The following SLC5A8 variants were observed in gnomAD, a reference collection of about 807,000 sequenced individuals.
SLC5A8 encodes solute carrier family 5 member 8.
A neutral mutation model predicts 71.9 loss-of-function variants in SLC5A8; 55 were observed. The observed-to-expected ratio is 0.77, with a 90% CI of 0.62 to 0.96. The LOEUF (loss-of-function observed/expected upper bound fraction) is 0.96. Among genes scored for constraint, SLC5A8 ranks in the 40% least tolerant of loss-of-function variants. The pLI, the probability that SLC5A8 is intolerant of heterozygous loss-of-function variation, is 0.00. For synonymous variants in SLC5A8, 307 were observed against 276.1 expected, an observed-to-expected ratio of 1.11 and a Z score of -1.11; for missense variants, 701 against 745.3, an observed-to-expected ratio of 0.94 and a Z score of 0.69.
At chr12:101,177,874 T>C (rs1259490895) in intron 10 of SLC5A8, among the ~76,000 whole-genome samples, 2 of 152,114 alleles carry the variant, frequency 1.3e-5, no homozygotes, top group African/African-American at 4.8e-5. Context: ...GATATGGAAG[T>C]TGAAGCCAGT....
At chr12:101,159,725 G>A (rs148178598) in intron 13 of SLC5A8, among the ~76,000 whole-genome samples, 74 of 152,192 alleles carry the variant, frequency 4.9e-4, no homozygotes, top group Middle Eastern at 6.8e-3. Context: ...CAGAATCAAA[G>A]CATTTAAAAG....
chr12:101,159,251 G>A (rs2051703757), intron 13 of SLC5A8, among the ~76,000 whole-genome samples: 1 of 152,146 alleles, frequency 6.6e-6, no homozygotes, highest in South Asian at 2.1e-4. Context: ...GGGAACCTCT[G>A]CTGTTCTGGA....
intron 3 of SLC5A8, among the ~76,000 whole-genome samples, chr12:101,199,012 G>A (rs1366589235): frequency 6.6e-6 from 1 of 151,796 alleles, no homozygotes; most frequent in African/African-American, 2.4e-5. Context: ...AAAATCCTAA[G>A]GGATCACCAA....
chr12:101,171,082 G>A (rs1173782976), intron 10 of SLC5A8, among the ~76,000 whole-genome samples: 2 of 152,168 alleles, frequency 1.3e-5, no homozygotes, highest in Non-Finnish European at 2.9e-5. Context: ...AGACCAGGAG[G>A]GTTTTCATCT....
At chr12:101,168,544 T>C (rs981548955) in intron 10 of SLC5A8, among the ~76,000 whole-genome samples, 1 of 152,244 alleles carries the variant, frequency 6.6e-6, no homozygotes, top group Admixed American at 6.5e-5. Context: ...TGTGCTTTGA[T>C]AATCTCAAAA....
intron 5 of SLC5A8, 90 bp from the exon 6 acceptor site, chr12:101,190,698 C>T (rs2137155581): frequency 9.2e-7 from 1 of 1,089,464 alleles, no homozygotes; most frequent in Non-Finnish European, 1.3e-6. Context: ...AAGCAATGCA[C>T]ATTTATATAC....
intron 9 of SLC5A8, among the ~76,000 whole-genome samples, chr12:101,180,515 C>G (rs2051922502): frequency 6.6e-6 from 1 of 152,166 alleles, no homozygotes; most frequent in African/African-American, 2.4e-5. Flanking sequence ...GAGTAATAAA[C>G]AGAAATTAGA....
intron 12 of SLC5A8, among the ~76,000 whole-genome samples, chr12:101,163,863 A>G (rs774508047): frequency 6.6e-6 from 1 of 152,216 alleles, no homozygotes; most frequent in Non-Finnish European, 1.5e-5. Flanking sequence ...AGTGCATTCA[A>G]TGGGGCAAAA....
rs150304004 is a variant in SLC5A8 at position 101,184,972 on chromosome 12, C to A, written c.964-750G>T. 5.0e-3 allele frequency among the ~76,000 whole-genome samples: 763 copies of A among 152,312 alleles called. 8 individuals are homozygous for A. The highest frequency in any genetic ancestry group is 0.017 in the African/African-American group (705 of 41,560). ...CCGAATCAAAAGAGTCCTAAGTGGA[C>A]AATTTTCTCGAAGAGTGTCCTCTCA... On this transcript the variant is annotated intron_variant, in intron 7 of 14. Coordinates refer to ENST00000536262, the MANE Select transcript of SLC5A8 (RefSeq NM_145913.5).
At position 101,192,288 on chromosome 12, in the gene SLC5A8, T is replaced by C. The variant is rs182077246; in HGVS notation, c.692+1337A>G. ...AAATATTGAAAATAGTCAAAGTTGA[T>C]TCACTAAAATTTATCCCTGTAAATT... On this transcript the variant is annotated intron_variant, in intron 5 of 14. Coordinates refer to ENST00000536262, the MANE Select transcript of SLC5A8 (RefSeq NM_145913.5). Among the ~76,000 whole-genome samples the C allele has an allele frequency of 9.2e-4, 140 of 152,342 alleles. 2 individuals carry two copies. Among genetic ancestry groups the C allele is most frequent in the African/African-American group, 3.2e-3 (133 of 41,590 alleles).
At position 101,195,121 on chromosome 12, in the gene SLC5A8, C is replaced by A. The variant is rs1387092530; in HGVS notation, c.511G>T (p.Val171Leu). The change falls in exon 4 of 15, where the codon GTG becomes TTG. Residue 171 changes from valine (V) to leucine (L), a missense_variant. Coordinates refer to ENST00000536262, the MANE Select transcript of SLC5A8 (RefSeq NM_145913.5). ...AGTGTGCAGTAGAATGTGCAGACCA[C>A]CCCCGTTGCCACTACCGCGCCCCAC... ...DLWGAVVATG[V>L]VCTFYCTLGG... The A allele has an allele frequency of 6.2e-7, 1 of 1,614,060 alleles. No homozygotes were observed. Among genetic ancestry groups the A allele is most frequent in the Admixed American group, 1.7e-5 (1 of 60,010 alleles).
intron 10 of SLC5A8, 31 bp downstream of exon 10, chr12:101,179,998 A>G: frequency 2.5e-6 from 4 of 1,612,468 alleles, no homozygotes; most frequent in Non-Finnish European, 3.4e-6. Context: ...TTAGTGATTT[A>G]TGACTTAAAC....
chr12:101,160,615 A>C (rs755955250), intron 13 of SLC5A8, among the ~76,000 whole-genome samples: 1 of 152,090 alleles, frequency 6.6e-6, no homozygotes, highest in South Asian at 2.1e-4. Flanking sequence ...AGCATGTTTC[A>C]CCAACTCCGC....
chr12:101,185,555 C>G (rs571484923), intron 7 of SLC5A8, among the ~76,000 whole-genome samples: 15 of 152,214 alleles, frequency 9.9e-5, no homozygotes, highest in African/African-American at 3.1e-4. Context: ...TCCTTGCTCT[C>G]TTGAGGATAA....
At chr12:101,162,704 G>A (rs990036625) in intron 12 of SLC5A8, among the ~76,000 whole-genome samples, 6 of 152,166 alleles carry the variant, frequency 3.9e-5, no homozygotes, top group African/African-American at 1.4e-4. Flanking sequence ...GTTACTTATG[G>A]ACACAAAGAA....
At chr12:101,166,847 C>T (rs2051776745) in intron 11 of SLC5A8, 148 bp from the exon 12 acceptor site, 1 of 651,954 alleles carries the variant, frequency 1.5e-6, no homozygotes. Flanking sequence ...CAAGATAGTG[C>T]TCAGCCCATA....
chr12:101,189,997 A>G (rs1235025102), intron 6 of SLC5A8, among the ~76,000 whole-genome samples: 2 of 152,232 alleles, frequency 1.3e-5, no homozygotes, highest in Non-Finnish European at 2.9e-5. Context: ...TCACTCAAAT[A>G]GCAAATATTA....
At chr12:101,205,466 A>G (rs1417677300) in intron 1 of SLC5A8, among the ~76,000 whole-genome samples, 3 of 152,232 alleles carry the variant, frequency 2.0e-5, no homozygotes, top group Admixed American at 2.0e-4. Context: ...AGTTAGGATC[A>G]TAGAATTTCA....
chr12:101,194,632 T>C lies in SLC5A8; in HGVS notation c.537+463A>G, dbSNP rs978570628. Among the ~76,000 whole-genome samples, 4 of 151,744 alleles carry C rather than the reference T, an allele frequency of 2.6e-5. No individual in the cohort carries two copies. In the South Asian group the frequency reaches 8.3e-4, roughly 32 times the overall value. On this transcript the variant is annotated intron_variant, in intron 4 of 14. Coordinates refer to ENST00000536262, the MANE Select transcript of SLC5A8 (RefSeq NM_145913.5). ...AGGTGTATGCCACCATGCCTCCTAA[T>C]TTTAAAAAATTTTTTTTGTTTTTTT...
Sources: allele counts gnomAD v4.1 joint callset (sites outside exome capture counted in the v4.1 genomes callset), GRCh38; gene constraint gnomAD v4.1.1; transcripts MANE v1.5; gene names NCBI Gene and HGNC (gene_info 2026-07-23, HGNC 2026-07-21).